Variants in TMEM132C observed in about 807,000 individuals in gnomAD.
TMEM132C encodes protein phosphatase 1, regulatory subunit 152.
Under a neutral mutation model 61.4 loss-of-function variants are expected in TMEM132C, and 29 were observed. That is an observed-to-expected ratio of 0.47 (90% CI 0.35 to 0.64). The LOEUF is 0.64. TMEM132C is among the 30% of genes least tolerant of loss of function. The pLI is 0.00. For missense variants in TMEM132C, 1,408 were observed against 1,476.9 expected, an observed-to-expected ratio of 0.95 and a Z score of 0.76; for synonymous variants, 656 against 633.1, an observed-to-expected ratio of 1.04 and a Z score of -0.54.
At chr12:128,644,645 C>T (rs539395258) in intron 4 of TMEM132C, among the ~76,000 whole-genome samples, 2 of 152,244 alleles carry the variant, frequency 1.3e-5, no homozygotes, top group East Asian at 1.9e-4. Context: ...TTCTGCATAA[C>T]GGTGTTCCAA....
chr12:128,550,716 G>A (rs1360068264), intron 3 of TMEM132C, among the ~76,000 whole-genome samples: 1 of 152,152 alleles, frequency 6.6e-6, no homozygotes, highest in Non-Finnish European at 1.5e-5. Flanking sequence ...TAGTCACACT[G>A]GGGCAGAGGG....
At chr12:128,463,278 A>G (rs1292411037) in intron 2 of TMEM132C, among the ~76,000 whole-genome samples, 2 of 152,102 alleles carry the variant, frequency 1.3e-5, no homozygotes, top group Admixed American at 6.6e-5. Flanking sequence ...TTCAGCATCT[A>G]TGATGGCAGG....
chr12:128,442,160 C>T (rs1040699453), intron 2 of TMEM132C, among the ~76,000 whole-genome samples: 1 of 152,194 alleles, frequency 6.6e-6, no homozygotes, highest in African/African-American at 2.4e-5. Context: ...GATCCTGAAA[C>T]CTCAGTCCCC....
intron 2 of TMEM132C, among the ~76,000 whole-genome samples, chr12:128,521,319 A>ATATATG (rs1052490746): frequency 4.6e-5 from 1 of 21,578 alleles, no homozygotes; most frequent in African/African-American, 7.3e-5. Flanking sequence ...ATATATATAT[A>ATATATG]TGTGTGTGTG....
At chr12:128,614,962 A>C (rs547861144) in intron 3 of TMEM132C, among the ~76,000 whole-genome samples, 1 of 152,316 alleles carries the variant, frequency 6.6e-6, no homozygotes, top group South Asian at 2.1e-4. Context: ...GAGGGCCTGG[A>C]TGCCAGGGGC....
At chr12:128,545,026 T>A (rs1873899666) in intron 3 of TMEM132C, among the ~76,000 whole-genome samples, 1 of 152,328 alleles carries the variant, frequency 6.6e-6, no homozygotes, top group South Asian at 2.1e-4. Flanking sequence ...TACGTTTATA[T>A]GTTGCCTGAG....
intron 1 of TMEM132C, among the ~76,000 whole-genome samples, chr12:128,385,084 A>T (rs1455075422): frequency 6.6e-6 from 1 of 152,168 alleles, no homozygotes; most frequent in Admixed American, 6.5e-5. Context: ...GCGTGATGAG[A>T]AGAGCTCGGC....
intron 2 of TMEM132C, among the ~76,000 whole-genome samples, chr12:128,452,848 C>T (rs541184134): frequency 5.0e-4 from 76 of 152,104 alleles, no homozygotes; most frequent in Non-Finnish European, 7.9e-4. Flanking sequence ...ACATATGTAT[C>T]GTTAGGGTGG....
chr12:128,697,145 G>C, intron 7 of TMEM132C, 79 bp from the exon 8 acceptor site: 2 of 1,318,922 alleles, frequency 1.5e-6, no homozygotes, highest in Non-Finnish European at 1.0e-6. Context: ...TGTTGGGATG[G>C]AAGAAATATT....
At chr12:128,403,851 C>G (rs932104609) in intron 1 of TMEM132C, among the ~76,000 whole-genome samples, 2 of 152,116 alleles carry the variant, frequency 1.3e-5, no homozygotes, top group African/African-American at 4.8e-5. Context: ...AAAGTCCTTC[C>G]CCTGTTTCTT....
At chr12:128,336,686 G>T (rs1465987259) in intron 1 of TMEM132C, among the ~76,000 whole-genome samples, 1 of 152,158 alleles carries the variant, frequency 6.6e-6, no homozygotes, top group African/African-American at 2.4e-5. Context: ...CTAAGCTGAG[G>T]TGACATTTCC....
chr12:128,385,894 G>T (rs1359317712), intron 1 of TMEM132C, among the ~76,000 whole-genome samples: 1 of 152,116 alleles, frequency 6.6e-6, no homozygotes, highest in Non-Finnish European at 1.5e-5. Flanking sequence ...GTTGCTGGTG[G>T]ACAGGGCTTG....
At chr12:128,304,881 G>T (rs1871717178) in intron 1 of TMEM132C, among the ~76,000 whole-genome samples, 1 of 152,206 alleles carries the variant, frequency 6.6e-6, no homozygotes. Context: ...TGGAAAGAAA[G>T]ATTGGTTTGG....
chr12:128,569,601 C>T (rs930012848), intron 3 of TMEM132C, among the ~76,000 whole-genome samples: 1 of 152,182 alleles, frequency 6.6e-6, no homozygotes, highest in Non-Finnish European at 1.5e-5. Flanking sequence ...TTTATACCAT[C>T]AGCTTTTTAT....
intron 1 of TMEM132C, among the ~76,000 whole-genome samples, chr12:128,400,701 C>T (rs963879287): frequency 2.6e-5 from 4 of 151,592 alleles, no homozygotes; most frequent in East Asian, 1.9e-4. Flanking sequence ...CTCTGCTTCC[C>T]GGGTTCAAGC....
rs528738496 is a variant in TMEM132C at position 128,560,929 on chromosome 12, G to T, written c.1121+16826G>T. Among the ~76,000 whole-genome samples, 7 of 152,308 alleles carry T rather than the reference G, an allele frequency of 4.6e-5. No homozygotes were observed. In the South Asian group the frequency reaches 1.2e-3, roughly 27 times the overall value. ...ATGATATATTGAATTAGAGCCTGTT[G>T]TCCCACCGTACAGATAAAGGAAGAG... On this transcript the variant is annotated intron_variant, in intron 3 of 8. Transcript: ENST00000435159.
At chr12:128,625,977 G>T (rs1954011665) in intron 4 of TMEM132C, among the ~76,000 whole-genome samples, 1 of 152,164 alleles carries the variant, frequency 6.6e-6, no homozygotes, top group Admixed American at 6.5e-5. Flanking sequence ...AGCATATGCA[G>T]TTGATACAGA....
At chr12:128,365,918 G>T (rs1873853070) in intron 1 of TMEM132C, among the ~76,000 whole-genome samples, 1 of 152,214 alleles carries the variant, frequency 6.6e-6, no homozygotes, top group Non-Finnish European at 1.5e-5. Context: ...GCGCAGGCTT[G>T]TCACGGGGTG....
chr12:128,634,362 G>A (rs766966311), intron 4 of TMEM132C, among the ~76,000 whole-genome samples: 5 of 152,222 alleles, frequency 3.3e-5, no homozygotes, highest in African/African-American at 4.8e-5. Context: ...GGCATGAGCC[G>A]CTGTGCCCAG....
Sources: allele counts gnomAD v4.1 joint callset (sites outside exome capture counted in the v4.1 genomes callset), GRCh38; gene constraint gnomAD v4.1.1; transcripts MANE v1.5; gene names NCBI Gene and HGNC (gene_info 2026-07-23, HGNC 2026-07-21).